DLL1: variants seen among roughly 807,000 people sequenced by gnomAD.
DLL1 encodes delta like canonical Notch ligand 1.
Under a neutral mutation model 75.1 loss-of-function variants are expected in DLL1, and 9 were observed. That is an observed-to-expected ratio of 0.12 (90% CI 0.07 to 0.21). The LOEUF (loss-of-function observed/expected upper bound fraction) is 0.21, where lower values mean the gene tolerates loss of function less well. DLL1 is among the 10% of genes least tolerant of loss of function. DLL1 has a pLI of 1.00. For synonymous variants in DLL1, 477 were observed against 418.3 expected, an observed-to-expected ratio of 1.14 and a Z score of -1.71; for missense variants, 837 against 1,007.6, an observed-to-expected ratio of 0.83 and a Z score of 2.29.
intron 2 of DLL1, 33 bp from the exon 3 acceptor site, chr6:170,288,822 C>T (rs774746126): frequency 1.7e-5 from 28 of 1,612,940 alleles, no homozygotes; most frequent in Non-Finnish European, 2.3e-5. Flanking sequence ...TTAGACAACC[C>T]AGAAAGGTAA....
rs766336201 is a variant in DLL1 at position 170,283,876 on chromosome 6, G to C, written c.1403C>G (p.Thr468Ser). The C allele has an allele frequency of 1.2e-6, 2 of 1,606,556 alleles. No homozygotes were observed. Among genetic ancestry groups the C allele is most frequent in the Non-Finnish European group, 1.7e-6 (2 of 1,179,338 alleles). Residue 468 changes from threonine to serine, a missense_variant, in exon 9 of 11, where the codon ACC becomes AGC. Coordinates refer to ENST00000366756, the MANE Select transcript of DLL1 (RefSeq NM_005618.4). ...CCTGCCCGTGTAGCCAGGCGGGCAGGTGCAGGAGAAGTCGTTCACGCCATC... is the reference window on the plus strand; with the variant it reads ...CCTGCCCGTGTAGCCAGGCGGGCAGCTGCAGGAGAAGTCGTTCACGCCATC... ...CRDGVNDFSCTCPPGYTGRNC... is the reference protein window; with the variant it reads ...CRDGVNDFSCSCPPGYTGRNC...
At position 170,283,544 on chromosome 6, in the gene DLL1, G is replaced by T. The variant is rs1181185293; in HGVS notation, c.1735C>A (p.Pro579Thr). 2 of 1,613,630 alleles carry T rather than the reference G, an allele frequency of 1.2e-6. No homozygotes were observed. The highest frequency in any genetic ancestry group is 2.7e-5 in the African/African-American group (2 of 74,932). ...VRLRLQKHRP[P>T]ADPCRGETET... The stretch of plus-strand genomic sequence containing the variant: ...GTCTCCCCCCGGCAGGGGTCGGCTG[G>T]GGGCCGGTGCTTCTGCAGCCTCAGC... The change falls in exon 9 of 11, where the codon CCA becomes ACA. Residue 579 changes from proline (P) to threonine (T), a missense_variant. This residue lies in a region of DLL1 where 533 missense variants were observed against 545.7 expected (regional missense o/e 0.98). Coordinates refer to ENST00000366756, the MANE Select transcript of DLL1 (RefSeq NM_005618.4).
Position 170,288,222 on chromosome 6 carries a change from C to A in DLL1, c.670+17G>T. ...TTCGTGGACGAGTGAGCCAGCGGTG[C>A]CTTCCCAGAGACTCACGCTCTGTGC... is the stretch of plus-strand genomic sequence containing the variant. On this transcript the variant is annotated intron_variant, in intron 4 of 10. Transcript: ENST00000366756. 6.2e-7 allele frequency: 1 copy of A among 1,613,676 alleles called. No individual in the cohort carries two copies. Among genetic ancestry groups the A allele is most frequent in the Non-Finnish European group, 8.5e-7 (1 of 1,180,024 alleles).
At position 170,290,822 on chromosome 6, in the gene DLL1, C is replaced by G. The variant is rs1583158904; in HGVS notation, c.-683G>C. ...TGCCATCCAGTACACACGCGCAGGA[C>G]CGGAGGGGCCGGGCCGTGGGAGGAG... On this transcript the variant is annotated 5_prime_UTR_variant, in exon 1 of 11. Transcript: ENST00000366756. This position sits in a 1 kb window ranked among gnomAD's most constrained non-coding sequence, Gnocchi z 4.7. The G allele has an allele frequency of 3.2e-6, 2 of 616,006 alleles. No individual in the cohort carries two copies. Among genetic ancestry groups the G allele is most frequent in the Non-Finnish European group, 5.8e-6 (2 of 345,304 alleles). The allele number at this position is 616,006 out of a possible 1,614,324, so 38.2% of individuals were successfully genotyped here.
intron 4 of DLL1, among the ~76,000 whole-genome samples, chr6:170,286,764 G>A (rs941282786): frequency 2.2e-4 from 33 of 151,658 alleles, no homozygotes; most frequent in African/African-American, 6.3e-4. Flanking sequence ...CCTCCCCCGC[G>A]CCCCCGGCCC....
chr6:170,286,947 A>C (rs1437902972), intron 4 of DLL1, among the ~76,000 whole-genome samples: 1 of 152,074 alleles, frequency 6.6e-6, no homozygotes, highest in African/African-American at 2.4e-5. Flanking sequence ...TTGAAGAAAA[A>C]AGTTTAAGTT....
At chr6:170,285,513 G>A in intron 6 of DLL1, 56 bp downstream of exon 6, 1 of 1,614,184 alleles carries the variant, frequency 6.2e-7, no homozygotes. Context: ...CAAACAGCCA[G>A]GGAAGTCCAG....
Position 170,285,029 on chromosome 6 carries a change from C to A in DLL1, c.1139G>T (p.Arg380Leu). 6.2e-7 allele frequency: 1 copy of A among 1,614,114 alleles called. No individual in the cohort carries two copies. The highest frequency in any genetic ancestry group is 8.5e-7 in the Non-Finnish European group (1 of 1,180,034). The change falls in exon 8 of 11, where the codon CGG becomes CTG. Residue 380 changes from arginine to leucine, a missense_variant. Physicochemically the swap from Arg to Leu is moderately radical, Grantham distance 102. Transcript: ENST00000366756. ...CCCTCCATCGGGGCTGTCTGAGCAC[C>A]GACCCCCGTTAAAGCAAGGGCCGTC... is the stretch of plus-strand genomic sequence containing the variant. ...CADGPCFNGG[R>L]CSDSPDGGYS...
In DLL1 at chr6:170,282,624, A is replaced by G. The variant is rs1018433947; in HGVS notation, c.*250T>C. ...ATTCAGTTCACCCATTTAAATATAT[A>G]TTCTCTTAAGAGCAACTGTCCATAG... On this transcript the variant is annotated 3_prime_UTR_variant, in exon 11 of 11. Coordinates refer to ENST00000366756, the MANE Select transcript of DLL1 (RefSeq NM_005618.4). 8 of 607,116 alleles carry G rather than the reference A, an allele frequency of 1.3e-5. No homozygotes were observed. Among genetic ancestry groups the G allele is most frequent in the Non-Finnish European group, 2.3e-5 (8 of 341,638 alleles). The allele number at this position is 607,116 out of a possible 1,614,324, so 37.6% of individuals were successfully genotyped here. A position where few individuals can be genotyped will look rare whatever the true frequency, so the allele number is the denominator to read the frequency against.
rs1272206244 is a variant in DLL1, at chr6:170,289,525, C to T, written c.338G>A (p.Gly113Asp). The change falls in exon 2 of 11, where the codon GGC becomes GAC. Residue 113 changes from glycine (G) to aspartate (D), a missense_variant. Coordinates refer to ENST00000366756, the MANE Select transcript of DLL1 (RefSeq NM_005618.4). ...AFSNPIRFPFGFTWPGTFSLI... is the reference protein window; with the variant it reads ...AFSNPIRFPFDFTWPGTFSLI... ...TGCGGCACTCACCGGCCAGGTGAAG[C>T]CGAAGGGGAAGCGGATGGGGTTGCT... is the stretch of plus-strand genomic sequence containing the variant. 2 of 1,534,620 alleles carry T rather than the reference C, an allele frequency of 1.3e-6. No individual in the cohort carries two copies. The highest frequency in any genetic ancestry group is 1.7e-6 in the Non-Finnish European group (2 of 1,146,300).
Position 170,283,626 on chromosome 6 carries a change from C to T in DLL1, c.1653G>A (p.Gly551=), listed in dbSNP as rs756574504. The change falls in exon 9 of 11, where the codon GGG becomes GGA. Residue 551 remains glycine (G), a synonymous_variant. Coordinates refer to ENST00000366756, the MANE Select transcript of DLL1 (RefSeq NM_005618.4). Reference sequence around the variant, plus strand: ...GCAGCAGCATGAGGACAAGGATGACCCCGGCGCACACGGCCACCCAGGGGA... The same window carrying T: ...GCAGCAGCATGAGGACAAGGATGACTCCGGCGCACACGGCCACCCAGGGGA... ...GPFPWVAVCA[G]VILVLMLLLG... is the part of the protein sequence containing the mutation. 2 of 1,608,528 alleles carry T rather than the reference C, an allele frequency of 1.2e-6. No individual in the cohort carries two copies. Among genetic ancestry groups the T allele is most frequent in the East Asian group, 2.2e-5 (1 of 44,764 alleles).
Position 170,283,214 on chromosome 6 carries a change from C to A in DLL1, c.2048+17G>T. ...CCCCCAGGTACCCCCTCCTGATGCC[C>A]GGCCCGCAGCACGCACCCCCTGAGT... On this transcript the variant is annotated intron_variant, in intron 9 of 10. Coordinates refer to ENST00000366756, the MANE Select transcript of DLL1 (RefSeq NM_005618.4). 1 of 1,612,782 alleles carries A rather than the reference C, an allele frequency of 6.2e-7. No individual in the cohort carries two copies. Among genetic ancestry groups the A allele is most frequent in the Non-Finnish European group, 8.5e-7 (1 of 1,179,838 alleles).
rs1489531769 is a variant in DLL1, at chr6:170,286,287, G to A, written c.682C>T (p.Pro228Ser). 1.9e-6 allele frequency: 3 copies of A among 1,614,046 alleles called. No homozygotes were observed. ...GPYCTEPICL[P>S]GCDEQHGFCD... ...AATCCATGCTGCTCATCACATCCAG[G>A]CAGGCAGATCGCTACAAGCAAAGGA... Residue 228 changes from proline to serine, a missense_variant, in exon 5 of 11, where the codon CCT becomes TCT. Coordinates refer to ENST00000366756, the MANE Select transcript of DLL1 (RefSeq NM_005618.4).
chr6:170,283,199 C>A (rs763379605), intron 9 of DLL1, 32 bp downstream of exon 9: 2 of 1,613,104 alleles, frequency 1.2e-6, no homozygotes, highest in East Asian at 4.5e-5. Context: ...CCCCCAGGTA[C>A]CCCCTCCTGA....
At position 170,285,134 on chromosome 6, in the gene DLL1, T is replaced by C. The variant is rs745918367; in HGVS notation, c.1034A>G (p.Asp345Gly). Residue 345 changes from aspartate (D) to glycine (G), a missense_variant and splice_region_variant, in exon 8 of 11, where the codon GAT becomes GGT. By Grantham distance (94) the Asp-to-Gly change is moderately conservative (BLOSUM62 -1). Transcript: ENST00000366756. ...SPCKNGGSCT[D>G]LENSYSCTCP... ...GGTACAGGAGTAGCTGTTCTCGAGA[T>C]CCTACACGATGGAGAGGTCAGAAAA... 33 of 1,608,800 alleles carry C rather than the reference T, an allele frequency of 2.1e-5. No individual in the cohort carries two copies. In the South Asian group the frequency reaches 3.5e-4, roughly 17 times the overall value.
intron 4 of DLL1, among the ~76,000 whole-genome samples, chr6:170,287,508 C>T (rs914442588): frequency 6.6e-6 from 1 of 152,218 alleles, no homozygotes; most frequent in African/African-American, 2.4e-5. Flanking sequence ...GGAGCCAGCA[C>T]GGCCCCAACC....
At chr6:170,288,910 C>T in intron 2 of DLL1, 121 bp from the exon 3 acceptor site, 2 of 1,105,662 alleles carry the variant, frequency 1.8e-6, no homozygotes, top group South Asian at 1.2e-5. Flanking sequence ...AGGTCTGGGG[C>T]AGCGTGTCTG....
chr6:170,285,523 G>C, intron 6 of DLL1, 46 bp downstream of exon 6: 11 of 1,614,182 alleles, frequency 6.8e-6, no homozygotes, highest in Non-Finnish European at 9.3e-6. Context: ...GGGAAGTCCA[G>C]GGCTGCTCTG....
At chr6:170,284,655 G>T (rs1408551382) in intron 8 of DLL1, among the ~76,000 whole-genome samples, 1 of 152,180 alleles carries the variant, frequency 6.6e-6, no homozygotes, top group Non-Finnish European at 1.5e-5. Context: ...GGCGGCCGCA[G>T]GTGCCCGAAG....
Sources: allele counts gnomAD v4.1 joint callset (sites outside exome capture counted in the v4.1 genomes callset), GRCh38; gene constraint gnomAD v4.1.1; regional missense constraint gnomAD v4.1.1; non-coding constraint Gnocchi (gnomAD v3.1); transcripts MANE v1.5; gene names NCBI Gene and HGNC (gene_info 2026-07-23, HGNC 2026-07-21).